Variants in PDZRN3 observed in about 807,000 individuals in gnomAD.
The protein encoded by PDZRN3 is PDZ domain containing ring finger 3.
PDZRN3 carries 38 observed loss-of-function variants against 85.7 expected under a neutral mutation model. That is an observed-to-expected ratio of 0.44 (90% CI 0.34 to 0.58). The LOEUF (loss-of-function observed/expected upper bound fraction) is 0.58, where lower values mean the gene tolerates loss of function less well. Among genes scored for constraint, PDZRN3 ranks in the 20% least tolerant of loss-of-function variants. PDZRN3 has a pLI of 0.01. For synonymous variants in PDZRN3, 759 were observed against 638.0 expected (o/e 1.19, Z -2.86); for missense variants, 1,629 against 1,506.4 (o/e 1.08, Z -1.35).
At chr3:73,419,725 G>A (rs573283004) in intron 3 of PDZRN3, among the ~76,000 whole-genome samples, 14 of 152,282 alleles carry the variant, frequency 9.2e-5, no homozygotes, top group African/African-American at 1.9e-4. Flanking sequence ...GGTACCATCC[G>A]CTGAGTATGT....
chr3:73,573,949 G>T (rs1397340382), intron 3 of PDZRN3, among the ~76,000 whole-genome samples: 1 of 152,252 alleles, frequency 6.6e-6, no homozygotes, highest in Non-Finnish European at 1.5e-5. Flanking sequence ...TCCCATTCAA[G>T]ATAAGCTGGC....
At chr3:73,542,601 C>T (rs1477641076) in intron 3 of PDZRN3, among the ~76,000 whole-genome samples, 4 of 152,012 alleles carry the variant, frequency 2.6e-5, no homozygotes, top group Admixed American at 6.6e-5. Flanking sequence ...TGGTGAAACC[C>T]TGTCTTTACC....
chr3:73,566,177 G>A (rs1042876982), intron 3 of PDZRN3, among the ~76,000 whole-genome samples: 3 of 152,088 alleles, frequency 2.0e-5, no homozygotes, highest in African/African-American at 7.2e-5. Context: ...TCTTCATTCA[G>A]CAACTTTGCA....
At chr3:73,471,402 A>C (rs1489902244) in intron 3 of PDZRN3, among the ~76,000 whole-genome samples, 2 of 152,156 alleles carry the variant, frequency 1.3e-5, no homozygotes, top group Non-Finnish European at 2.9e-5. Flanking sequence ...TTTTTCAGCC[A>C]CCTAGTTTAC....
Position 73,384,578 on chromosome 3 carries a change from C to T in PDZRN3, c.1988G>A (p.Gly663Asp). ...CAGGGGGCCGCTAGGGTAGTACAGG[C>T]CGTAAGGGGTGGCGCTCTTCACCTG... ...KCQVKSATPY[G>D]LYYPSGPLDA... The change falls in exon 10 of 10, where the codon GGC (glycine) becomes GAC (aspartate). Residue 663 changes from glycine (G) to aspartate (D), a missense_variant. Coordinates refer to ENST00000263666, the MANE Select transcript of PDZRN3 (RefSeq NM_015009.3). 6.2e-7 allele frequency: 1 copy of T among 1,613,706 alleles called. No individual in the cohort carries two copies. The highest frequency in any genetic ancestry group is 8.5e-7 in the Non-Finnish European group (1 of 1,180,032).
intron 8 of PDZRN3, among the ~76,000 whole-genome samples, chr3:73,387,764 G>T (rs1701428210): frequency 6.6e-6 from 1 of 152,108 alleles, no homozygotes; most frequent in Admixed American, 6.5e-5. Flanking sequence ...TGGGCCTGCA[G>T]TATAGATGCC....
chr3:73,550,714 T>C (rs909414448), intron 3 of PDZRN3, among the ~76,000 whole-genome samples: 1 of 152,232 alleles, frequency 6.6e-6, no homozygotes, highest in Non-Finnish European at 1.5e-5. Flanking sequence ...AAAGATGTCC[T>C]GGTCTAATAT....
chr3:73,512,043 A>G (rs1704176093), intron 3 of PDZRN3, among the ~76,000 whole-genome samples: 2 of 152,238 alleles, frequency 1.3e-5, no homozygotes, highest in South Asian at 4.1e-4. Context: ...CAAGTTTGTT[A>G]TTGTTGTTAA....
chr3:73,610,781 C>T (rs1702672463), intron 1 of PDZRN3, among the ~76,000 whole-genome samples: 1 of 152,046 alleles, frequency 6.6e-6, no homozygotes, highest in Non-Finnish European at 1.5e-5. Context: ...AAAGATTGGT[C>T]TTCAATCTAC....
intron 3 of PDZRN3, among the ~76,000 whole-genome samples, chr3:73,483,363 A>G (rs932921101): frequency 1.5e-4 from 23 of 152,200 alleles, no homozygotes; most frequent in African/African-American, 5.3e-4. Context: ...TTTTAATGTA[A>G]GCTGGATACT....
chr3:73,598,472 C>A (rs1702463503), intron 3 of PDZRN3, among the ~76,000 whole-genome samples: 1 of 152,104 alleles, frequency 6.6e-6, no homozygotes, highest in South Asian at 2.1e-4. Flanking sequence ...AAGAGGAGTG[C>A]AGGGAAGACA....
At chr3:73,579,368 A>G (rs573995967) in intron 3 of PDZRN3, among the ~76,000 whole-genome samples, 1 of 152,324 alleles carries the variant, frequency 6.6e-6, no homozygotes, top group South Asian at 2.1e-4. Flanking sequence ...CTACATAGAT[A>G]AAAGGTAGTC....
chr3:73,468,907 C>T (rs1449987040), intron 3 of PDZRN3, among the ~76,000 whole-genome samples: 1 of 152,112 alleles, frequency 6.6e-6, no homozygotes, highest in Non-Finnish European at 1.5e-5. Flanking sequence ...CTCAAAGGAG[C>T]TACTATGAGA....
intron 3 of PDZRN3, among the ~76,000 whole-genome samples, chr3:73,596,679 G>T (rs2106887927): frequency 6.6e-6 from 1 of 152,302 alleles, no homozygotes; most frequent in East Asian, 1.9e-4. Context: ...GTCCAGAAAA[G>T]ATCTGGTTTG....
intron 3 of PDZRN3, among the ~76,000 whole-genome samples, chr3:73,593,022 C>T (rs914187890): frequency 6.6e-6 from 1 of 151,844 alleles, no homozygotes; most frequent in African/African-American, 2.4e-5. Context: ...CCTAACACAC[C>T]TTCCAAATTG....
chr3:73,406,853 G>GGA (rs1701865132), intron 3 of PDZRN3, among the ~76,000 whole-genome samples: 3 of 152,206 alleles, frequency 2.0e-5, no homozygotes, highest in African/African-American at 7.2e-5. Flanking sequence ...GCATCTTCTA[G>GGA]TTGTGTCCAG....
At chr3:73,549,031 T>C (rs1213501198) in intron 3 of PDZRN3, among the ~76,000 whole-genome samples, 1 of 152,228 alleles carries the variant, frequency 6.6e-6, no homozygotes, top group African/African-American at 2.4e-5. Context: ...CATTTTCTTT[T>C]GATAGGTCAA....
intron 3 of PDZRN3, chr3:73,474,517 T>G: frequency 4.7e-6 from 6 of 1,288,430 alleles, no homozygotes; most frequent in Non-Finnish European, 6.1e-6. Context: ...AATAAGATCA[T>G]CCTCTTGTGT....
At chr3:73,585,056 T>TA (rs1389201771) in intron 3 of PDZRN3, among the ~76,000 whole-genome samples, 1 of 152,226 alleles carries the variant, frequency 6.6e-6, no homozygotes, top group Admixed American at 6.5e-5. Context: ...ATTTCAGCTT[T>TA]AAATTGGCTG....
Sources: allele counts gnomAD v4.1 joint callset (sites outside exome capture counted in the v4.1 genomes callset), GRCh38; gene constraint gnomAD v4.1.1; transcripts MANE v1.5; gene names NCBI Gene and HGNC (gene_info 2026-07-23, HGNC 2026-07-21).